Variants in CAST observed in about 807,000 individuals in gnomAD.
The protein encoded by CAST is MIR583 host.
In CAST, 76 loss-of-function variants were observed where a neutral mutation model predicts 119.6. That is an observed-to-expected ratio of 0.64 (90% CI 0.53 to 0.77). The LOEUF (loss-of-function observed/expected upper bound fraction) is 0.77. Ranked by LOEUF, CAST falls within the 30% of genes least tolerant of loss-of-function variation. CAST has a pLI of 0.00. For synonymous variants in CAST, 319 were observed against 331.6 expected (o/e 0.96, Z 0.41); for missense variants, 953 against 946.5 (o/e 1.01, Z -0.09).
intron 1 of CAST, among the ~76,000 whole-genome samples, chr5:96,615,590 G>A (rs990855565): frequency 5.3e-5 from 8 of 152,212 alleles, no homozygotes; most frequent in Non-Finnish European, 1.0e-4. Flanking sequence ...GCTCCACCAC[G>A]CCAGGCCCCA....
chr5:96,066,738 C>G, the CAST span, among the ~76,000 whole-genome samples: 1 of 152,008 alleles, frequency 6.6e-6, no homozygotes, highest in East Asian at 1.9e-4. Context: ...TACCTTACTG[C>G]AAGCTTGAAC....
chr5:96,119,863 A>G, the CAST span, among the ~76,000 whole-genome samples: 1 of 152,142 alleles, frequency 6.6e-6, no homozygotes, highest in African/African-American at 2.4e-5. Flanking sequence ...TCAAGCAAAA[A>G]CTTTGTGTGA....
chr5:96,409,685 C>T, the CAST span, among the ~76,000 whole-genome samples: 1 of 152,212 alleles, frequency 6.6e-6, no homozygotes, highest in Non-Finnish European at 1.5e-5. Context: ...TGACAACAGC[C>T]AGGGGCTCTG....
the CAST span, among the ~76,000 whole-genome samples, chr5:96,182,126 T>C: frequency 0.36 from 55,503 of 152,142 alleles, 10,381 homozygotes; most frequent in Admixed American, 0.44. Context: ...TATCTTGAAA[T>C]ACTTTATAAG....
the CAST span, among the ~76,000 whole-genome samples, chr5:96,282,256 T>A: frequency 6.6e-6 from 1 of 152,222 alleles, no homozygotes; most frequent in Non-Finnish European, 1.5e-5. Flanking sequence ...CCACAGCTTC[T>A]CTGTCTCCAG....
chr5:96,761,193 A>G (rs963044483), intron 24 of CAST: 6 of 152,226 alleles, frequency 3.9e-5, no homozygotes, highest in African/African-American at 1.4e-4. Flanking sequence ...AGGTTGTTTC[A>G]TACTTAGTAT....
chr5:96,175,595 G>T, the CAST span, among the ~76,000 whole-genome samples: 6 of 152,176 alleles, frequency 3.9e-5, no homozygotes, highest in African/African-American at 1.4e-4. Flanking sequence ...ATTAATTGGG[G>T]TAACTTTACA....
intron 9 of CAST, among the ~76,000 whole-genome samples, chr5:96,732,951 T>G (rs1031575628): frequency 6.6e-6 from 1 of 152,212 alleles, no homozygotes; most frequent in African/African-American, 2.4e-5. Context: ...ATACTTTTGC[T>G]TCTGTAAATG....
chr5:96,026,811 A>G, the CAST span, among the ~76,000 whole-genome samples: 12 of 152,192 alleles, frequency 7.9e-5, no homozygotes, highest in African/African-American at 9.7e-5. Flanking sequence ...ATATAAATCA[A>G]TTCATGGTCT....
intron 3 of CAST, among the ~76,000 whole-genome samples, chr5:96,700,757 T>C (rs1337511139): frequency 6.6e-6 from 1 of 152,066 alleles, no homozygotes; most frequent in Non-Finnish European, 1.5e-5. Context: ...ATATATTTAA[T>C]AGGCATTCCC....
the CAST span, among the ~76,000 whole-genome samples, chr5:96,065,221 A>G: frequency 3.3e-5 from 5 of 152,012 alleles, no homozygotes; most frequent in Non-Finnish European, 5.9e-5. Flanking sequence ...TAAAACTTTG[A>G]AAGTATATTA....
the CAST span, among the ~76,000 whole-genome samples, chr5:96,209,272 A>G: frequency 6.6e-5 from 10 of 152,010 alleles, no homozygotes; most frequent in African/African-American, 2.4e-4. Context: ...TCTGTATCCA[A>G]CTTGCCACTC....
the CAST span, among the ~76,000 whole-genome samples, chr5:96,519,181 A>G: frequency 6.6e-6 from 1 of 152,226 alleles, no homozygotes; most frequent in African/African-American, 2.4e-5. Flanking sequence ...TTCATTTTGC[A>G]CAGATGAGTA....
intron 10 of CAST, among the ~76,000 whole-genome samples, chr5:96,736,462 C>A (rs200953799): frequency 5.8e-5 from 8 of 138,890 alleles, no homozygotes; most frequent in African/African-American, 1.5e-4. Context: ...TAAAAAAAAA[C>A]AAACAAACTC....
intron 10 of CAST, among the ~76,000 whole-genome samples, chr5:96,737,332 C>A (rs1761874678): frequency 6.7e-6 from 1 of 150,082 alleles, no homozygotes; most frequent in Admixed American, 6.6e-5. Context: ...CAAAAAAAAA[C>A]ATGAATGAAA....
chr5:96,220,885 A>G, the CAST span, among the ~76,000 whole-genome samples: 1 of 152,186 alleles, frequency 6.6e-6, no homozygotes, highest in South Asian at 2.1e-4. Context: ...ACATTCCGTG[A>G]TGCCCTTTGT....
At chr5:96,217,068 T>A in the CAST span, among the ~76,000 whole-genome samples, 2 of 152,086 alleles carry the variant, frequency 1.3e-5, no homozygotes, top group Non-Finnish European at 2.9e-5. Context: ...AGACAAGGTC[T>A]CACTCAGTTG....
chr5:96,462,194 T>C, the CAST span, among the ~76,000 whole-genome samples: 2 of 152,124 alleles, frequency 1.3e-5, no homozygotes, highest in Non-Finnish European at 2.9e-5. Context: ...TTTTACATTA[T>C]TGCTTTCTTA....
At chr5:96,692,321 G>A (rs1335154983) in intron 2 of CAST, among the ~76,000 whole-genome samples, 2 of 152,122 alleles carry the variant, frequency 1.3e-5, no homozygotes, top group African/African-American at 4.8e-5. Context: ...TGAAAACCTT[G>A]CACCTGGAGG....
Sources: gnomAD v4.1 joint callset for allele counts (sites outside exome capture counted in the v4.1 genomes callset) on GRCh38, gnomAD v4.1.1 for gene constraint, MANE v1.5 for transcripts, NCBI Gene and HGNC (gene_info 2026-07-23, HGNC 2026-07-21) for gene names.